The following KIRREL3 variants were observed in gnomAD, a reference collection of about 807,000 sequenced individuals.
KIRREL3 encodes the protein kirre like nephrin family adhesion molecule 3.
KIRREL3 carries 36 observed loss-of-function variants against 89.7 expected under a neutral mutation model. The observed-to-expected ratio is 0.40, with a 90% CI of 0.31 to 0.53. KIRREL3 has a LOEUF of 0.53. Among genes scored for constraint, KIRREL3 ranks in the 20% least tolerant of loss-of-function variants. KIRREL3 has a pLI of 0.49. For synonymous variants in KIRREL3, 445 were observed against 441.4 expected (o/e 1.01, Z -0.10); for missense variants, 864 against 1,056.6 (o/e 0.82, Z 2.53).
intron 1 of KIRREL3, among the ~76,000 whole-genome samples, chr11:126,884,474 T>C (rs1459733162): frequency 6.6e-6 from 1 of 152,116 alleles, no homozygotes; most frequent in African/African-American, 2.4e-5. Flanking sequence ...GAATTGCAAA[T>C]CTACAAAGCG....
In KIRREL3 at chr11:126,677,415, G is replaced by A. The variant is rs1251900831; in HGVS notation, c.56-114503C>T. On this transcript the variant is annotated intron_variant, in intron 1 of 16. Coordinates refer to ENST00000525144, the MANE Select transcript of KIRREL3 (RefSeq NM_032531.4). The surrounding 1 kb of genome is among the most constrained non-coding windows in gnomAD (Gnocchi z 5.1). ...CGAATCTCCATTCTGGAGAAAGGAT[G>A]TTGGCATAGTCTGGGTGCTTTGCTA... 6.6e-6 allele frequency among the ~76,000 whole-genome samples: 1 copy of A among 152,210 alleles called. No homozygotes were observed. The highest frequency in any genetic ancestry group is 1.9e-4 in the East Asian group (1 of 5,192).
At chr11:126,681,252 T>C (rs1946440373) in intron 1 of KIRREL3, among the ~76,000 whole-genome samples, 1 of 152,224 alleles carries the variant, frequency 6.6e-6, no homozygotes, top group African/African-American at 2.4e-5. Flanking sequence ...CCATGTGTTT[T>C]TGTGTCCAGA....
intron 1 of KIRREL3, among the ~76,000 whole-genome samples, chr11:126,702,580 C>T (rs1378934636): frequency 6.6e-6 from 1 of 152,208 alleles, no homozygotes; most frequent in Non-Finnish European, 1.5e-5. Context: ...TCAGCAGACA[C>T]GCTGACTTCT....
rs1592338899 is a variant in KIRREL3, at chr11:126,912,212, C to T, written c.55+88243G>A. Among the ~76,000 whole-genome samples the T allele has an allele frequency of 6.6e-6, 1 of 152,044 alleles. No individual in the cohort carries two copies. The highest frequency in any genetic ancestry group is 1.5e-5 in the Non-Finnish European group (1 of 68,022). On this transcript the variant is annotated intron_variant, in intron 1 of 16. Transcript: ENST00000525144. The surrounding 1 kb of genome is among the most constrained non-coding windows in gnomAD (Gnocchi z 4.7). The stretch of plus-strand genomic sequence containing the variant: ...AAAGTGGAATGAAAGCACAAGCCAT[C>T]AATAGCATGGTCATCTCCCTGGAGA...
Position 126,530,988 on chromosome 11 carries a change from G to A in KIRREL3, c.134-4301C>T, listed in dbSNP as rs1958925733. Among the ~76,000 whole-genome samples, 1 of 152,044 alleles carries A rather than the reference G, an allele frequency of 6.6e-6. No homozygotes were observed. The highest frequency in any genetic ancestry group is 3.4e-3 in the Middle Eastern group (1 of 294). ...TGGGATTACAGGCACTCACCACCAT[G>A]TCTGGTAATTTTTGTATTTTTAGTA... On this transcript the variant is annotated intron_variant, in intron 2 of 16. Coordinates refer to ENST00000525144, the MANE Select transcript of KIRREL3 (RefSeq NM_032531.4). This position sits in a 1 kb window ranked among gnomAD's most constrained non-coding sequence, Gnocchi z 5.8.
chr11:126,760,629 C>T (rs896597068), intron 1 of KIRREL3, among the ~76,000 whole-genome samples: 1 of 152,198 alleles, frequency 6.6e-6, no homozygotes, highest in Non-Finnish European at 1.5e-5. Context: ...AGTGGGAGAG[C>T]TCTGTTCAGG....
chr11:126,685,801 A>G lies in KIRREL3; in HGVS notation c.56-122889T>C, dbSNP rs1221569629. ...GCTGTTGCCCTCACAGCATTCAGTG[A>G]TGTTTGCCAGAGTGGCTCCACGCCC... On this transcript the variant is annotated intron_variant, in intron 1 of 16. Coordinates refer to ENST00000525144, the MANE Select transcript of KIRREL3 (RefSeq NM_032531.4). This position sits in a 1 kb window ranked among gnomAD's most constrained non-coding sequence, Gnocchi z 5.5. Among the ~76,000 whole-genome samples the G allele has an allele frequency of 6.6e-6, 1 of 152,198 alleles. No homozygotes were observed. The highest frequency in any genetic ancestry group is 1.5e-5 in the Non-Finnish European group (1 of 68,022).
chr11:126,989,751 C>T lies in KIRREL3; in HGVS notation c.55+10704G>A, dbSNP rs1949970778. Among the ~76,000 whole-genome samples, 1 of 152,182 alleles carries T rather than the reference C, an allele frequency of 6.6e-6. No homozygotes were observed. The highest frequency in any genetic ancestry group is 6.5e-5 in the Admixed American group (1 of 15,292). On this transcript the variant is annotated intron_variant, in intron 1 of 16. Transcript: ENST00000525144. The surrounding 1 kb of genome is among the most constrained non-coding windows in gnomAD (Gnocchi z 6.2). ...CGAAGTCTTAGGGCCAACAGGGTTC[C>T]CCCGGTGTCTCTCCTGCAGCATGAA...
At chr11:126,646,251 T>C (rs909509870) in intron 1 of KIRREL3, among the ~76,000 whole-genome samples, 2 of 152,154 alleles carry the variant, frequency 1.3e-5, no homozygotes, top group African/African-American at 4.8e-5. Flanking sequence ...GATTTTCATT[T>C]AAAACACATC....
chr11:126,499,045 C>T (rs1034292598), intron 4 of KIRREL3, among the ~76,000 whole-genome samples: 15 of 150,260 alleles, frequency 1.0e-4, no homozygotes, highest in Admixed American at 7.3e-4. Context: ...CCCAGCTACT[C>T]GGAGGCAGAG....
chr11:126,448,930 C>G (rs1955925567), intron 8 of KIRREL3, 79 bp downstream of exon 8: 2 of 1,434,056 alleles, frequency 1.4e-6, no homozygotes, highest in African/African-American at 2.8e-5. Context: ...TGCAATGAAT[C>G]TAGCCCTGGT....
At chr11:126,473,685 G>A (rs527339006) in intron 4 of KIRREL3, among the ~76,000 whole-genome samples, 28 of 152,342 alleles carry the variant, frequency 1.8e-4, no homozygotes, top group East Asian at 7.7e-4. Context: ...GCCAGTCATC[G>A]CATCCCTGCT....
At chr11:126,779,005 C>T (rs893209250) in intron 1 of KIRREL3, among the ~76,000 whole-genome samples, 16 of 152,336 alleles carry the variant, frequency 1.1e-4, no homozygotes, top group African/African-American at 2.9e-4. Flanking sequence ...CAAATGCCTT[C>T]CATGCCCAGA....
rs772138613 is a variant in KIRREL3, at chr11:126,463,221, C to A, written c.678G>T (p.Val226=). ...PGDVENGQSI[V]CRATNKAIPG... ...GGATGGCTTTGTTGGTGGCACGACA[C>A]ACGATGCTCTGGCCATTCTCCACGT... Residue 226 remains valine, a synonymous_variant, in exon 6 of 17, where the codon GTG becomes GTT. Coordinates refer to ENST00000525144, the MANE Select transcript of KIRREL3 (RefSeq NM_032531.4). The surrounding 1 kb of genome is among the most constrained non-coding windows in gnomAD (Gnocchi z 5.9). 24 of 1,613,854 alleles carry A rather than the reference C, an allele frequency of 1.5e-5. No individual in the cohort carries two copies. In the East Asian group the frequency reaches 2.0e-4, roughly 13 times the overall value.
chr11:126,935,985 A>G (rs3018434), intron 1 of KIRREL3: 134,060 of 152,216 alleles, frequency 0.88, 59,267 homozygotes, highest in Middle Eastern at 0.97. Flanking sequence ...TGTCAGGAGC[A>G]GGGTCATATA....
rs569941517 is a variant in KIRREL3 at position 126,537,665 on chromosome 11, T to C, written c.134-10978A>G. On this transcript the variant is annotated intron_variant, in intron 2 of 16. Coordinates refer to ENST00000525144, the MANE Select transcript of KIRREL3 (RefSeq NM_032531.4). The surrounding 1 kb of genome is among the most constrained non-coding windows in gnomAD (Gnocchi z 4.3). Reference sequence around the variant, plus strand: ...AACTCTGGCCCTGTACCTAGCAGTGTGATCTGAGGCCAGTGACTCACCCTT... The same window carrying C: ...AACTCTGGCCCTGTACCTAGCAGTGCGATCTGAGGCCAGTGACTCACCCTT... Among the ~76,000 whole-genome samples the C allele has an allele frequency of 6.6e-6, 1 of 152,310 alleles. No individual in the cohort carries two copies. Among genetic ancestry groups the C allele is most frequent in the African/African-American group, 2.4e-5 (1 of 41,556 alleles).
chr11:126,621,929 A>AT (rs1366140748), intron 1 of KIRREL3, among the ~76,000 whole-genome samples: 3 of 152,214 alleles, frequency 2.0e-5, no homozygotes, highest in African/African-American at 7.2e-5. Context: ...ACTAACATGG[A>AT]TAAAAAAATG....
At chr11:126,451,456 G>GA (rs1956155298) in intron 7 of KIRREL3, among the ~76,000 whole-genome samples, 2 of 148,746 alleles carry the variant, frequency 1.3e-5, no homozygotes, top group African/African-American at 5.0e-5. Context: ...AAGTGCATGC[G>GA]CATGTGTGGG....
intron 1 of KIRREL3, among the ~76,000 whole-genome samples, chr11:126,857,873 T>C (rs1027957242): frequency 2.0e-5 from 3 of 151,824 alleles, no homozygotes; most frequent in Non-Finnish European, 2.9e-5. Context: ...GGGAAGCTCA[T>C]GAAGGATGAG....
Sources: gnomAD v4.1 joint callset for allele counts (sites outside exome capture counted in the v4.1 genomes callset) on GRCh38, gnomAD v4.1.1 for gene constraint, Gnocchi (gnomAD v3.1) non-coding constraint, MANE v1.5 for transcripts, NCBI Gene and HGNC (gene_info 2026-07-23, HGNC 2026-07-21) for gene names.